Variants in PTPRD observed in about 807,000 individuals in gnomAD.
The protein encoded by PTPRD is receptor-type tyrosine-protein phosphatase delta.
In PTPRD, 34 loss-of-function variants were observed where a neutral mutation model predicts 214.5. The ratio of observed to expected loss-of-function variants is 0.16; its 90% CI spans 0.12 to 0.21. PTPRD has a LOEUF of 0.21. Ranked by LOEUF, PTPRD falls within the 10% of genes least tolerant of loss-of-function variation. The pLI is 1.00. For synonymous variants in PTPRD, 1,128 were observed against 845.7 expected, an observed-to-expected ratio of 1.33 and a Z score of -5.79; for missense variants, 2,545 against 2,398.7, an observed-to-expected ratio of 1.06 and a Z score of -1.27.
intron 3 of PTPRD, among the ~76,000 whole-genome samples, chr9:10,224,961 T>C (rs1373724448): frequency 6.6e-6 from 1 of 152,080 alleles, no homozygotes; most frequent in Non-Finnish European, 1.5e-5. Context: ...ATTAACTGTT[T>C]ATGTTATCAG....
intron 5 of PTPRD, among the ~76,000 whole-genome samples, chr9:9,920,585 G>A (rs139491249): frequency 2.6e-3 from 392 of 152,144 alleles, no homozygotes; most frequent in African/African-American, 9.0e-3. Flanking sequence ...AATTTGTTAC[G>A]TCCTCTTTAT....
intron 11 of PTPRD, among the ~76,000 whole-genome samples, chr9:8,967,756 C>T (rs1247513226): frequency 6.6e-6 from 1 of 152,068 alleles, no homozygotes; most frequent in Non-Finnish European, 1.5e-5. Context: ...TATGTACAGG[C>T]AGGCACTTTT....
intron 4 of PTPRD, among the ~76,000 whole-genome samples, chr9:9,992,181 G>A (rs1333166671): frequency 2.6e-5 from 4 of 152,136 alleles, no homozygotes; most frequent in African/African-American, 9.7e-5. Context: ...ATGGTTGCAT[G>A]ACTGTGAATA....
At chr9:9,404,391 G>C (rs113624983) in intron 8 of PTPRD, among the ~76,000 whole-genome samples, 1 of 152,098 alleles carries the variant, frequency 6.6e-6, no homozygotes, top group East Asian at 1.9e-4. Flanking sequence ...TGGAGAGATT[G>C]GTATAGATCT....
intron 11 of PTPRD, among the ~76,000 whole-genome samples, chr9:8,894,520 G>A (rs1352738551): frequency 6.6e-6 from 1 of 151,958 alleles, no homozygotes; most frequent in East Asian, 1.9e-4. Context: ...TGTGGGGGTT[G>A]GGGGGTGCTT....
At chr9:9,464,610 T>G (rs1270992135) in intron 8 of PTPRD, among the ~76,000 whole-genome samples, 1 of 152,166 alleles carries the variant, frequency 6.6e-6, no homozygotes, top group Non-Finnish European at 1.5e-5. Flanking sequence ...TATTCCTGCT[T>G]GGTTTAGTTC....
chr9:8,777,159 T>C (rs2095519335), intron 11 of PTPRD, among the ~76,000 whole-genome samples: 1 of 151,832 alleles, frequency 6.6e-6, no homozygotes, highest in African/African-American at 2.4e-5. Flanking sequence ...GTTGTTGTTT[T>C]TTAGAGATGG....
chr9:8,316,006 T>C lies in PTPRD; in HGVS notation c.*1868A>G. On this transcript the variant is annotated 3_prime_UTR_variant, in exon 46 of 46. Transcript: ENST00000381196. ...ATGGAATATCAAATATATTCCAAAG[T>C]TGCCAATGATATTTGTTACTAAAAT... The C allele has an allele frequency of 4.4e-6, 1 of 227,978 alleles. No homozygotes were observed. The highest frequency in any genetic ancestry group is 8.7e-6 in the Non-Finnish European group (1 of 114,574). 14.1% of individuals were successfully genotyped at this position (227,978 alleles called of 1,614,324 possible).
intron 11 of PTPRD, among the ~76,000 whole-genome samples, chr9:8,752,842 C>T (rs183391957): frequency 2.6e-5 from 4 of 152,292 alleles, no homozygotes; most frequent in Admixed American, 2.0e-4. Flanking sequence ...GCTCAAACTG[C>T]TGATCCAGAG....
chr9:10,308,064 G>C (rs1294383825), intron 3 of PTPRD, among the ~76,000 whole-genome samples: 4 of 151,686 alleles, frequency 2.6e-5, no homozygotes, highest in African/African-American at 7.3e-5. Context: ...AGAGTTTTTA[G>C]TTTAATATAG....
chr9:9,343,020 A>G (rs1174237642), intron 9 of PTPRD, among the ~76,000 whole-genome samples: 2 of 152,090 alleles, frequency 1.3e-5, no homozygotes, highest in African/African-American at 4.8e-5. Context: ...GCTGAGAATA[A>G]TAGTTTCCAG....
intron 9 of PTPRD, among the ~76,000 whole-genome samples, chr9:9,289,231 A>G (rs1294631751): frequency 1.3e-5 from 2 of 151,866 alleles, no homozygotes; most frequent in Admixed American, 1.3e-4. Flanking sequence ...TTTATAAAAA[A>G]TTGTCATACA....
intron 3 of PTPRD, among the ~76,000 whole-genome samples, chr9:10,034,503 GC>G (rs1198642083): frequency 6.8e-6 from 1 of 146,506 alleles, no homozygotes; most frequent in African/African-American, 2.5e-5. Context: ...CGTTTGTTGT[GC>G]CTATTATTTC....
intron 3 of PTPRD, among the ~76,000 whole-genome samples, chr9:10,180,836 A>T (rs1173552268): frequency 6.6e-6 from 1 of 152,038 alleles, no homozygotes; most frequent in Non-Finnish European, 1.5e-5. Flanking sequence ...TCATTTATGC[A>T]GGAGAAAAAT....
rs74852842 is a variant in PTPRD at position 8,617,151 on chromosome 9, T to C, written c.352+16166A>G. Among the ~76,000 whole-genome samples, 595 of 152,208 alleles carry C rather than the reference T, an allele frequency of 3.9e-3. 10 individuals are homozygous for C. Among genetic ancestry groups the C allele is most frequent in the African/African-American group, 0.014 (579 of 41,556 alleles). On this transcript the variant is annotated intron_variant, in intron 14 of 45. Transcript: ENST00000381196. ...TAAACCAAAATACACTGAGAGTTCA[T>C]GAACCTTGGATGGGTCAAGGGATGT...
intron 11 of PTPRD, among the ~76,000 whole-genome samples, chr9:8,765,373 G>A (rs1037052717): frequency 6.6e-6 from 1 of 152,184 alleles, no homozygotes; most frequent in African/African-American, 2.4e-5. Context: ...CCTCTTGGGT[G>A]CAATCTCCCG....
chr9:9,156,708 C>T (rs2099881481), intron 10 of PTPRD, among the ~76,000 whole-genome samples: 1 of 151,722 alleles, frequency 6.6e-6, no homozygotes, highest in Non-Finnish European at 1.5e-5. Flanking sequence ...TCTATGTGGA[C>T]CCAGACTCTT....
chr9:8,785,159 A>G (rs1319017502), intron 11 of PTPRD, among the ~76,000 whole-genome samples: 1 of 152,158 alleles, frequency 6.6e-6, no homozygotes, highest in Non-Finnish European at 1.5e-5. Context: ...ATAGACACAA[A>G]TATGTACAAG....
chr9:9,757,141 T>A lies in PTPRD; in HGVS notation c.-326+9669A>T, dbSNP rs575757284. Among the ~76,000 whole-genome samples the A allele has an allele frequency of 4.6e-5, 7 of 152,298 alleles. No individual in the cohort carries two copies. In the East Asian group the frequency reaches 1.2e-3, roughly 25 times the overall value. On this transcript the variant is annotated intron_variant, in intron 6 of 45. Transcript: ENST00000381196. Reference sequence around the variant, plus strand: ...CAAAGATTGGGCAGTTTACCGAGATTCCCTTTATGACCATTCCTTAGCAGT... The same window carrying A: ...CAAAGATTGGGCAGTTTACCGAGATACCCTTTATGACCATTCCTTAGCAGT...
Sources: gnomAD v4.1 joint callset for allele counts (sites outside exome capture counted in the v4.1 genomes callset) on GRCh38, gnomAD v4.1.1 for gene constraint, MANE v1.5 for transcripts, NCBI Gene and HGNC (gene_info 2026-07-23, HGNC 2026-07-21) for gene names.